Variants in SORCS2 observed in about 807,000 individuals in gnomAD.
The protein encoded by SORCS2 is VPS10 domain-containing receptor SorCS2.
SORCS2 carries 100 observed loss-of-function variants against 141.6 expected under a neutral mutation model. That is an observed-to-expected ratio of 0.71 (90% confidence interval 0.60 to 0.83). SORCS2 has a LOEUF of 0.83. Among genes scored for constraint, SORCS2 ranks in the 40% least tolerant of loss-of-function variants. SORCS2 has a pLI of 0.00. For missense variants in SORCS2, 1,646 were observed against 1,560.2 expected, an observed-to-expected ratio of 1.05 and a Z score of -0.93; for synonymous variants, 789 against 676.9, an observed-to-expected ratio of 1.17 and a Z score of -2.57.
chr4:7,394,066 C>T (rs570673056), intron 1 of SORCS2, among the ~76,000 whole-genome samples: 5 of 150,668 alleles, frequency 3.3e-5, no homozygotes, highest in South Asian at 2.1e-4. Context: ...AAGCCAACGC[C>T]GCAGGAACCC....
At chr4:7,324,597 G>A (rs1560192973) in intron 1 of SORCS2, among the ~76,000 whole-genome samples, 1 of 152,210 alleles carries the variant, frequency 6.6e-6, no homozygotes, top group Non-Finnish European at 1.5e-5. Context: ...GGGAGAGACT[G>A]GTCCTGTGGC....
At chr4:7,216,116 G>C (rs1263713257) in intron 1 of SORCS2, among the ~76,000 whole-genome samples, 1 of 152,198 alleles carries the variant, frequency 6.6e-6, no homozygotes, top group African/African-American at 2.4e-5. Flanking sequence ...AAGCCAGAGA[G>C]ACCACGAGCC....
At chr4:7,248,381 G>C (rs1713275848) in intron 1 of SORCS2, among the ~76,000 whole-genome samples, 2 of 152,182 alleles carry the variant, frequency 1.3e-5, no homozygotes, top group African/African-American at 4.8e-5. Flanking sequence ...CACCACACCA[G>C]GTGCGTGTCC....
chr4:7,271,664 G>A lies in SORCS2; in HGVS notation c.480+78538G>A, dbSNP rs552457786. Among the ~76,000 whole-genome samples, 9 of 152,352 alleles carry A rather than the reference G, an allele frequency of 5.9e-5. No homozygotes were observed. The South Asian group carries it at 6.2e-4, about 11-fold the overall frequency. ...CTCCCGTCTGCCACAGGAGGGGTGC[G>A]TTTGCTGTGGTGTCCTCAGTACCTG... On this transcript the variant is annotated intron_variant, in intron 1 of 26. Transcript: ENST00000507866.
chr4:7,725,998 C>G (rs1292222172), intron 20 of SORCS2, among the ~76,000 whole-genome samples: 3 of 152,248 alleles, frequency 2.0e-5, no homozygotes, highest in Admixed American at 2.0e-4. Flanking sequence ...GCTGAATGCT[C>G]CACACATGTC....
rs1722321628 is a variant in SORCS2 at position 7,663,646 on chromosome 4, C to T, written c.953-707C>T. The stretch of plus-strand genomic sequence containing the variant: ...AGGCTGAGCTTAGGGGTGGGCTTTT[C>T]TGGTTTCTAAACGTCTTCCCTTAAC... On this transcript the variant is annotated intron_variant, in intron 6 of 26. Coordinates refer to ENST00000507866, the MANE Select transcript of SORCS2 (RefSeq NM_020777.3). This position sits in a 1 kb window ranked among gnomAD's most constrained non-coding sequence, Gnocchi z 4.8. Among the ~76,000 whole-genome samples the T allele has an allele frequency of 6.6e-6, 1 of 152,186 alleles. No individual in the cohort carries two copies. Among genetic ancestry groups the T allele is most frequent in the African/African-American group, 2.4e-5 (1 of 41,434 alleles).
chr4:7,274,131 C>T (rs573828937), intron 1 of SORCS2, among the ~76,000 whole-genome samples: 5 of 152,352 alleles, frequency 3.3e-5, no homozygotes, highest in African/African-American at 4.8e-5. Flanking sequence ...CTCCTCTCTT[C>T]CTGGCATCCA....
chr4:7,597,869 G>A (rs866827282), intron 3 of SORCS2, among the ~76,000 whole-genome samples: 3 of 151,980 alleles, frequency 2.0e-5, no homozygotes, highest in African/African-American at 4.8e-5. Flanking sequence ...TGAGAGCTGC[G>A]TTCTGCTCTG....
At chr4:7,418,690 G>C in intron 2 of SORCS2, among the ~76,000 whole-genome samples, 1 of 136,190 alleles carries the variant, frequency 7.3e-6, no homozygotes, top group Non-Finnish European at 1.6e-5. Flanking sequence ...AGCTTTTGCT[G>C]CGTAACAAAT....
At chr4:7,635,234 G>A (rs1356305166) in intron 3 of SORCS2, among the ~76,000 whole-genome samples, 1 of 152,186 alleles carries the variant, frequency 6.6e-6, no homozygotes, top group Non-Finnish European at 1.5e-5. Flanking sequence ...CCTGCAGTGT[G>A]TGGCTGAGAA....
At chr4:7,223,048 C>T (rs1319667971) in intron 1 of SORCS2, among the ~76,000 whole-genome samples, 1 of 152,144 alleles carries the variant, frequency 6.6e-6, no homozygotes, top group Non-Finnish European at 1.5e-5. Flanking sequence ...TTCCTGAGCC[C>T]TGAATTTGCC....
intron 1 of SORCS2, among the ~76,000 whole-genome samples, chr4:7,322,971 C>CTT (rs112892465): frequency 0.14 from 20,634 of 151,766 alleles, 1,879 homozygotes; most frequent in African/African-American, 0.26. Context: ...CGGCCCTGCC[C>CTT]GTTTTTTATC....
intron 2 of SORCS2, among the ~76,000 whole-genome samples, chr4:7,407,482 G>T (rs1221117343): frequency 6.6e-6 from 1 of 151,996 alleles, no homozygotes; most frequent in Non-Finnish European, 1.5e-5. Context: ...TATTTCATTG[G>T]CTATAAATAG....
intron 2 of SORCS2, among the ~76,000 whole-genome samples, chr4:7,507,752 G>GA (rs1208882630): frequency 2.0e-5 from 2 of 100,022 alleles, no homozygotes; most frequent in Non-Finnish European, 4.6e-5. Flanking sequence ...TCCAATGGGG[G>GA]GAAAAGTTAA....
chr4:7,533,790 G>C (rs78073916), intron 3 of SORCS2, among the ~76,000 whole-genome samples: 1 of 152,000 alleles, frequency 6.6e-6, no homozygotes, highest in Non-Finnish European at 1.5e-5. Flanking sequence ...GGACATGGCC[G>C]TGACCTCCGC....
Position 7,718,420 on chromosome 4 carries a change from G to A in SORCS2, c.2424+237G>A, listed in dbSNP as rs557694978. On this transcript the variant is annotated intron_variant, in intron 18 of 26. Transcript: ENST00000507866. ...AGGAGAATAGAGTAGGACGTAGGGG[G>A]TATTAGGGTCCCCGCAGAGCAGAAG... is the stretch of plus-strand genomic sequence containing the variant. 1.2e-3 allele frequency among the ~76,000 whole-genome samples: 182 copies of A among 152,310 alleles called. 1 individual carries two copies. Among genetic ancestry groups the A allele is most frequent in the African/African-American group, 4.3e-3 (178 of 41,560 alleles).
chr4:7,380,954 T>C (rs3864221), intron 1 of SORCS2, among the ~76,000 whole-genome samples: 1,967 of 151,982 alleles, frequency 0.013, 36 homozygotes, highest in African/African-American at 0.044. Flanking sequence ...TGGTGGCAGG[T>C]GCCTGTAGTC....
intron 2 of SORCS2, among the ~76,000 whole-genome samples, chr4:7,413,173 TCTTTATATA>T (rs1725439063): frequency 1.3e-5 from 2 of 152,102 alleles, no homozygotes; most frequent in Admixed American, 1.3e-4. Flanking sequence ...AAGTACCACA[TCTTTATATA>T]CTGTAATTAT....
In SORCS2 at chr4:7,272,144, A is replaced by G. The variant is rs142816664; in HGVS notation, c.480+79018A>G. 5.1e-3 allele frequency among the ~76,000 whole-genome samples: 784 copies of G among 152,284 alleles called. 10 individuals are homozygous for G. The highest frequency in any genetic ancestry group is 0.018 in the African/African-American group (753 of 41,554). Reference sequence around the variant, plus strand: ...CCGCTGAGCACAATTTCTTACCTCTAGTGCAAATTTATCTTCAAGGACTCC... The same window carrying G: ...CCGCTGAGCACAATTTCTTACCTCTGGTGCAAATTTATCTTCAAGGACTCC... On this transcript the variant is annotated intron_variant, in intron 1 of 26. Transcript: ENST00000507866.
Sources: gnomAD v4.1 joint callset for allele counts (sites outside exome capture counted in the v4.1 genomes callset) on GRCh38, gnomAD v4.1.1 for gene constraint, Gnocchi (gnomAD v3.1) non-coding constraint, MANE v1.5 for transcripts, NCBI Gene and HGNC (gene_info 2026-07-23, HGNC 2026-07-21) for gene names.